KCNT1: variants seen among roughly 807,000 people sequenced by gnomAD.
KCNT1 encodes the protein potassium channel subfamily T member 1.
A neutral mutation model predicts 147.8 loss-of-function variants in KCNT1; 78 were observed. The observed-to-expected ratio is 0.53, with a 90% CI of 0.44 to 0.64. KCNT1 has a LOEUF of 0.64. Ranked by LOEUF, KCNT1 falls within the 30% of genes least tolerant of loss-of-function variation. The probability of loss-of-function intolerance (pLI) is 0.00; values close to 1 mark genes in which losing one functional copy is unlikely to be tolerated. For synonymous variants in KCNT1, 867 were observed against 748.8 expected, an observed-to-expected ratio of 1.16 and a Z score of -2.58; for missense variants, 1,419 against 1,750.3, an observed-to-expected ratio of 0.81 and a Z score of 3.38.
intron 21 of KCNT1, 82 bp from the exon 22 acceptor site, chr9:135,778,342 C>A: frequency 1.5e-6 from 2 of 1,311,658 alleles, no homozygotes; most frequent in Non-Finnish European, 2.1e-6. Context: ...CAGCTCTGTG[C>A]ATGGAGGGTA....
rs374651650 is a variant in KCNT1 at position 135,746,027 on chromosome 9, G to A, written c.255-4071G>A. Among the ~76,000 whole-genome samples the A allele has an allele frequency of 1.3e-3, 203 of 152,364 alleles. 1 individual carries two copies. Among genetic ancestry groups the A allele is most frequent in the African/African-American group, 4.5e-3 (186 of 41,588 alleles). On this transcript the variant is annotated intron_variant, in intron 2 of 30. Transcript: ENST00000371757. ...GCCACAGGCTCCCTCCCCAGGTGCC[G>A]CTGCGTGACTCGTGAAGACAGATCG...
chr9:135,732,016 A>AGAGAGAGAGG (rs1836488711), intron 2 of KCNT1, among the ~76,000 whole-genome samples: 2 of 114,678 alleles, frequency 1.7e-5, no homozygotes, highest in African/African-American at 6.6e-5. Flanking sequence ...AGAGAGAGAG[A>AGAGAGAGAGG]GAGAGAGAGA....
chr9:135,766,087 A>G (rs1403660445), intron 13 of KCNT1, among the ~76,000 whole-genome samples: 192 of 105,744 alleles, frequency 1.8e-3, no homozygotes, highest in East Asian at 4.1e-3. Flanking sequence ...ACCATCTAGG[A>G]TGGACTGTCT....
At chr9:135,729,011 C>T (rs1199379160) in intron 2 of KCNT1, among the ~76,000 whole-genome samples, 3 of 152,158 alleles carry the variant, frequency 2.0e-5, no homozygotes, top group Admixed American at 1.3e-4. Flanking sequence ...GAAATTGGTT[C>T]TTTAGAGGTA....
At chr9:135,739,986 G>C (rs558989284) in intron 2 of KCNT1, among the ~76,000 whole-genome samples, 1 of 152,188 alleles carries the variant, frequency 6.6e-6, no homozygotes, top group African/African-American at 2.4e-5. Flanking sequence ...CAAGATGTGG[G>C]CAGGGCTGGT....
At chr9:135,779,087 A>T (rs955810926) in intron 23 of KCNT1, among the ~76,000 whole-genome samples, 98 of 73,980 alleles carry the variant, frequency 1.3e-3, no homozygotes, top group African/African-American at 4.8e-3. Context: ...ACAGCCATGG[A>T]CTCTGCCCAG....
intron 2 of KCNT1, among the ~76,000 whole-genome samples, chr9:135,741,164 T>C (rs1192506767): frequency 6.6e-6 from 1 of 152,190 alleles, no homozygotes; most frequent in Non-Finnish European, 1.5e-5. Flanking sequence ...AGGTGGTGGC[T>C]TCCTCAACAC....
Position 135,786,328 on chromosome 9 carries a change from A to G in KCNT1, c.3309A>G (p.Pro1103=). The part of the protein sequence containing the change: ...HTGGGDPAEH[P]LLRRKSLQWA... ...GCGGCGGTGACCCCGCAGAGCACCC[A>G]CTGCTACGGCGCAAGAGCCTGCAGT... is the stretch of plus-strand genomic sequence containing the variant. Residue 1103 remains proline, a synonymous_variant, in exon 29 of 31, where the codon CCA becomes CCG. Transcript: ENST00000371757. 1.3e-6 allele frequency: 2 copies of G among 1,597,366 alleles called. No homozygotes were observed. Among genetic ancestry groups the G allele is most frequent in the Non-Finnish European group, 1.7e-6 (2 of 1,173,434 alleles).
At chr9:135,702,719 C>T (rs1385632645) in intron 1 of KCNT1, among the ~76,000 whole-genome samples, 2 of 152,112 alleles carry the variant, frequency 1.3e-5, no homozygotes, top group Non-Finnish European at 2.9e-5. Flanking sequence ...CCCCCAGCCC[C>T]TGCCCCACCC....
rs373295257 is a variant in KCNT1 at position 135,783,898 on chromosome 9, C to T, written c.2842-126C>T. ...TGTACACGTGGACACACACACCATGCACAAATGTGCACACAGGTATCATGC... is the reference window on the plus strand; with the variant it reads ...TGTACACGTGGACACACACACCATGTACAAATGTGCACACAGGTATCATGC... On this transcript the variant is annotated intron_variant, in intron 24 of 30. Coordinates refer to ENST00000371757, the MANE Select transcript of KCNT1 (RefSeq NM_020822.3). 48 of 705,730 alleles carry T rather than the reference C, an allele frequency of 6.8e-5. No individual in the cohort carries two copies. In the Middle Eastern group the frequency reaches 1.1e-3, roughly 16 times the overall value. The allele number at this position is 705,730 out of a possible 1,614,324, so 43.7% of individuals were successfully genotyped here.
intron 2 of KCNT1, among the ~76,000 whole-genome samples, chr9:135,738,073 C>T (rs1339544823): frequency 6.6e-6 from 1 of 152,168 alleles, no homozygotes; most frequent in Non-Finnish European, 1.5e-5. Flanking sequence ...TTGCCCCATC[C>T]CTGTTCCTGC....
chr9:135,726,278 G>T (rs541386655), intron 2 of KCNT1, among the ~76,000 whole-genome samples: 1 of 152,050 alleles, frequency 6.6e-6, no homozygotes, highest in Non-Finnish European at 1.5e-5. Flanking sequence ...GCAGCCCCCG[G>T]GGGAGACTCC....
Position 135,714,835 on chromosome 9 carries a change from C to T in KCNT1, c.254+115C>T, listed in dbSNP as rs1490755390. On this transcript the variant is annotated intron_variant, in intron 2 of 30. Transcript: ENST00000371757. This position sits in a 1 kb window ranked among gnomAD's most constrained non-coding sequence, Gnocchi z 6.2. ...GCGCGCCCCCGCAGCCGCCGGCGCC[C>T]TTCAACTTTTCCCGGCTTCTGGGGA... is the stretch of plus-strand genomic sequence containing the variant. 5.3e-6 allele frequency: 4 copies of T among 753,386 alleles called. No individual in the cohort carries two copies. Among genetic ancestry groups the T allele is most frequent in the South Asian group, 1.2e-4 (2 of 16,156 alleles). The allele number at this position is 753,386 out of a possible 1,614,324, so 46.7% of individuals were successfully genotyped here. A position where few individuals can be genotyped will look rare whatever the true frequency, so the allele number is the denominator to read the frequency against.
rs757546700 is a variant in KCNT1, at chr9:135,770,430, C to T, written c.1752C>T (p.Ala584=). 3 of 1,611,982 alleles carry T rather than the reference C, an allele frequency of 1.9e-6. No individual in the cohort carries two copies. The highest frequency in any genetic ancestry group is 2.2e-5 in the East Asian group (1 of 44,862). The change falls in exon 17 of 31, where the codon GCC becomes GCT. Residue 584 remains alanine, a synonymous_variant. Transcript: ENST00000371757. Reference sequence around the variant, plus strand: ...AGGGCAAGAGCTTCACCTACGCGGCCTTCCACGCCCACAAGAAGTAAGGCC... The same window carrying T: ...AGGGCAAGAGCTTCACCTACGCGGCTTTCCACGCCCACAAGAAGTAAGGCC... ...EYEGKSFTYA[A]FHAHKKYGVC... is the part of the protein sequence containing the mutation.
At chr9:135,733,178 T>C (rs1480944133) in intron 2 of KCNT1, among the ~76,000 whole-genome samples, 9 of 145,898 alleles carry the variant, frequency 6.2e-5, no homozygotes, top group East Asian at 4.1e-4. Flanking sequence ...GCAGCCCTCA[T>C]ACCTGCCCCC....
At position 135,786,242 on chromosome 9, in the gene KCNT1, G is replaced by A. The variant is rs771889785; in HGVS notation, c.3223G>A (p.Val1075Met). ...GGAGGACTGTGAGGACACACGGGAA[G>A]TGAAGGGGCCCTGGGGCTCCCGCGC... ...NVEDCEDTRE[V>M]KGPWGSRAGT... Residue 1075 changes from valine to methionine, a missense_variant, in exon 29 of 31, where the codon GTG becomes ATG. Val to Met is a conservative substitution (Grantham distance 21). Transcript: ENST00000371757. 2.5e-6 allele frequency: 4 copies of A among 1,611,544 alleles called. No individual in the cohort carries two copies. The highest frequency in any genetic ancestry group is 1.3e-5 in the African/African-American group (1 of 74,884).
At chr9:135,742,974 G>C (rs1178122237) in intron 2 of KCNT1, among the ~76,000 whole-genome samples, 1 of 152,164 alleles carries the variant, frequency 6.6e-6, no homozygotes, top group Non-Finnish European at 1.5e-5. Context: ...TGGGTCCCAG[G>C]TGCTGGGGCT....
rs148030529 is a variant in KCNT1, at chr9:135,710,078, C to T, written c.111-4499C>T. 4.8e-3 allele frequency among the ~76,000 whole-genome samples: 736 copies of T among 152,248 alleles called. 2 individuals carry two copies. Among genetic ancestry groups the T allele is most frequent in the African/African-American group, 0.015 (633 of 41,534 alleles). ...TTGCAAATATGTTCTTCCTGTTGGT[C>T]GCTTATTCTTTCCTTTTGCCAGTGA... On this transcript the variant is annotated intron_variant, in intron 1 of 30. Transcript: ENST00000371757.
At chr9:135,745,640 T>C (rs889882322) in intron 2 of KCNT1, among the ~76,000 whole-genome samples, 5 of 152,244 alleles carry the variant, frequency 3.3e-5, no homozygotes, top group African/African-American at 1.2e-4. Flanking sequence ...TGTTTCTATC[T>C]CAGCACAGAC....
Sources: allele counts gnomAD v4.1 joint callset (sites outside exome capture counted in the v4.1 genomes callset), GRCh38; gene constraint gnomAD v4.1.1; non-coding constraint Gnocchi (gnomAD v3.1); transcripts MANE v1.5; gene names NCBI Gene and HGNC (gene_info 2026-07-23, HGNC 2026-07-21).